Variants in TMEM144 observed in about 807,000 individuals in gnomAD.
TMEM144 encodes transmembrane protein 144.
In TMEM144, 39 loss-of-function variants were observed where a neutral mutation model predicts 43.6. That is an observed-to-expected ratio of 0.90 (90% CI 0.69 to 1.17). The LOEUF is 1.17. Ranked by LOEUF, TMEM144 falls within the 50% of genes most tolerant of loss-of-function variation. The pLI, the probability that TMEM144 is intolerant of heterozygous loss-of-function variation, is 0.00. For synonymous variants in TMEM144, 154 were observed against 133.6 expected (o/e 1.15, Z -1.06); for missense variants, 417 against 411.9 (o/e 1.01, Z -0.11).
chr4:158,236,877 C>T (rs1316023535), intron 8 of TMEM144, among the ~76,000 whole-genome samples: 7 of 152,070 alleles, frequency 4.6e-5, no homozygotes, highest in African/African-American at 7.2e-5. Flanking sequence ...ATTGGAAATG[C>T]TTGCTTCATG....
At chr4:158,231,488 GA>G (rs1307332424) in intron 6 of TMEM144, among the ~76,000 whole-genome samples, 2 of 152,074 alleles carry the variant, frequency 1.3e-5, no homozygotes, top group African/African-American at 4.8e-5. Flanking sequence ...AATCTTTAGA[GA>G]AAAAAAGATT....
At chr4:158,249,696 AT>A (rs1736084097) in intron 12 of TMEM144, among the ~76,000 whole-genome samples, 4 of 152,308 alleles carry the variant, frequency 2.6e-5, no homozygotes, top group Admixed American at 1.3e-4. Flanking sequence ...CTGAAGACCC[AT>A]TTTTTAATTT....
intron 6 of TMEM144, among the ~76,000 whole-genome samples, chr4:158,225,326 CAGTT>C (rs1425359443): frequency 6.6e-6 from 1 of 152,124 alleles, no homozygotes; most frequent in Non-Finnish European, 1.5e-5. Context: ...TTTGTCAGCT[CAGTT>C]AGCCCCAGGG....
chr4:158,223,472 T>C (rs988366726), intron 6 of TMEM144, among the ~76,000 whole-genome samples: 2 of 152,202 alleles, frequency 1.3e-5, no homozygotes, highest in African/African-American at 2.4e-5. Context: ...CCAGGATACA[T>C]GTGCAGAACG....
chr4:158,231,516 T>C (rs1735077863), intron 6 of TMEM144, among the ~76,000 whole-genome samples: 1 of 152,234 alleles, frequency 6.6e-6, no homozygotes, highest in Admixed American at 6.5e-5. Context: ...TGGCAAATGG[T>C]CTAGATTGTG....
chr4:158,240,882 A>G (rs113570518), intron 10 of TMEM144, among the ~76,000 whole-genome samples: 9 of 152,344 alleles, frequency 5.9e-5, no homozygotes, highest in African/African-American at 1.9e-4. Context: ...TTTTGGATTT[A>G]ATTCATTAGG....
intron 5 of TMEM144, among the ~76,000 whole-genome samples, chr4:158,218,506 C>T (rs377435100): frequency 3.0e-4 from 45 of 152,180 alleles, no homozygotes; most frequent in African/African-American, 1.1e-3. Context: ...CTGCTATTTT[C>T]TTTTTCTTTT....
chr4:158,217,674 T>G (rs2225238), intron 5 of TMEM144, among the ~76,000 whole-genome samples: 149,452 of 152,280 alleles, frequency 0.98, 73,398 homozygotes, highest in East Asian at 1. Context: ...GGAAACTGAT[T>G]TTTATTGTCC....
rs770869811 is a variant in TMEM144, at chr4:158,232,894, C to T, written c.414-7C>T. On this transcript the variant is annotated splice_polypyrimidine_tract_variant and splice_region_variant and intron_variant, in intron 6 of 12. Coordinates refer to ENST00000296529, the MANE Select transcript of TMEM144 (RefSeq NM_018342.5). The stretch of plus-strand genomic sequence containing the variant: ...ATAAATATCACTAAAATTTATTTTC[C>T]TTACAGTGCTTTCATATTTTTGTTC... The T allele has an allele frequency of 5.0e-6, 8 of 1,596,846 alleles. No homozygotes were observed. In the African/African-American group the frequency reaches 8.1e-5, roughly 16 times the overall value.
chr4:158,232,778 G>T (rs1735145068), intron 6 of TMEM144, 123 bp from the exon 7 acceptor site: 1 of 672,834 alleles, frequency 1.5e-6, no homozygotes, highest in Non-Finnish European at 2.5e-6. Flanking sequence ...GGGGCAATTT[G>T]AAAGTAATCA....
chr4:158,248,273 A>T (rs1735996427), intron 12 of TMEM144, among the ~76,000 whole-genome samples: 2 of 152,006 alleles, frequency 1.3e-5, no homozygotes, highest in Admixed American at 1.3e-4. Flanking sequence ...TCTCTACAAA[A>T]ATACAAAAAT....
At position 158,217,331 on chromosome 4, in the gene TMEM144, T is replaced by C; in HGVS notation, c.243T>C (p.Ala81=). The part of the protein sequence containing the change: ...GGCIWATGNI[A]VVPIIKTIGL... Reference sequence around the variant, plus strand: ...ATATTACATCTACAGGGAACATTGCTGTTGTCCCAATTATCAAAACCATTG... The same window carrying C: ...ATATTACATCTACAGGGAACATTGCCGTTGTCCCAATTATCAAAACCATTG... The change falls in exon 5 of 13, where the codon GCT becomes GCC. Residue 81 remains alanine (A), a synonymous_variant. Coordinates refer to ENST00000296529, the MANE Select transcript of TMEM144 (RefSeq NM_018342.5). The C allele has an allele frequency of 6.2e-7, 1 of 1,610,634 alleles. No homozygotes were observed. The highest frequency in any genetic ancestry group is 8.5e-7 in the Non-Finnish European group (1 of 1,177,196).
chr4:158,239,911 A>G (rs1343487151), intron 9 of TMEM144, among the ~76,000 whole-genome samples: 4 of 149,518 alleles, frequency 2.7e-5, no homozygotes, highest in African/African-American at 7.4e-5. Flanking sequence ...TTTGAGACAG[A>G]GTCTCACTCT....
intron 1 of TMEM144, 43 bp downstream of exon 1, chr4:158,210,629 G>A (rs1405433376): frequency 6.6e-6 from 1 of 152,194 alleles, no homozygotes; most frequent in Non-Finnish European, 1.5e-5. Context: ...GCTTTGCAGG[G>A]GAGCGTCTCA....
intron 12 of TMEM144, among the ~76,000 whole-genome samples, chr4:158,251,424 G>T (rs141541080): frequency 3.8e-4 from 57 of 151,928 alleles, no homozygotes; most frequent in South Asian, 4.1e-4. Context: ...ATCTTTAAGT[G>T]GGGGGGATGA....
At chr4:158,227,841 C>G (rs1252957659) in intron 6 of TMEM144, among the ~76,000 whole-genome samples, 2 of 136,778 alleles carry the variant, frequency 1.5e-5, no homozygotes, top group Non-Finnish European at 3.1e-5. Context: ...CTACTTTACA[C>G]AAAGTTTTAA....
chr4:158,213,230 G>A (rs367888691), intron 3 of TMEM144: 36 of 167,608 alleles, frequency 2.1e-4, no homozygotes, highest in African/African-American at 8.2e-4. Context: ...CATAATGCAC[G>A]CAGACACACG....
intron 8 of TMEM144, among the ~76,000 whole-genome samples, chr4:158,236,915 G>A (rs1481637732): frequency 1.3e-5 from 2 of 152,058 alleles, no homozygotes; most frequent in South Asian, 2.1e-4. Flanking sequence ...TGGGGAGTCC[G>A]CCTGACTCCA....
At chr4:158,216,980 T>A (rs1734253720) in intron 4 of TMEM144, among the ~76,000 whole-genome samples, 1 of 152,160 alleles carries the variant, frequency 6.6e-6, no homozygotes, top group African/African-American at 2.4e-5. Context: ...TTGGCCCTAA[T>A]TCAAGTCTAA....
Sources: gnomAD v4.1 joint callset for allele counts (sites outside exome capture counted in the v4.1 genomes callset) on GRCh38, gnomAD v4.1.1 for gene constraint, MANE v1.5 for transcripts, NCBI Gene and HGNC (gene_info 2026-07-23, HGNC 2026-07-21) for gene names.